The following HPSE2 variants were observed in gnomAD, a reference collection of about 807,000 sequenced individuals.
HPSE2 encodes the protein inactive heparanase-2.
A neutral mutation model predicts 60.5 loss-of-function variants in HPSE2; 38 were observed. The observed-to-expected ratio is 0.63, with a 90% CI of 0.48 to 0.82. The LOEUF is 0.82. HPSE2 is among the 40% of genes least tolerant of loss of function. The probability of loss-of-function intolerance (pLI) is 0.00; values close to 1 mark genes in which losing one functional copy is unlikely to be tolerated. For synonymous variants in HPSE2, 295 were observed against 293.2 expected, an observed-to-expected ratio of 1.01 and a Z score of -0.06; for missense variants, 713 against 740.4, an observed-to-expected ratio of 0.96 and a Z score of 0.43.
At chr10:98,469,580 A>G (rs1394559620) in intron 11 of HPSE2, among the ~76,000 whole-genome samples, 1 of 152,220 alleles carries the variant, frequency 6.6e-6, no homozygotes, top group Admixed American at 6.5e-5. Context: ...GACACACCAT[A>G]TAAAGATATT....
Position 98,825,418 on chromosome 10 carries a change from G to C in HPSE2, c.611-81362C>G, listed in dbSNP as rs543083682. Among the ~76,000 whole-genome samples the C allele has an allele frequency of 7.9e-5, 12 of 152,252 alleles. No individual in the cohort carries two copies. In the East Asian group the frequency reaches 1.9e-3, roughly 24 times the overall value. On this transcript the variant is annotated intron_variant, in intron 3 of 11. Transcript: ENST00000370552. ...AGTCCTTAAGTGTTTGCTCTTCCTC[G>C]AGCAAGGCTAGCTCTTTCCTGTCAT... is the stretch of plus-strand genomic sequence containing the variant.
At chr10:99,248,612 A>G in the HPSE2 span, among the ~76,000 whole-genome samples, 2 of 152,258 alleles carry the variant, frequency 1.3e-5, no homozygotes, top group Non-Finnish European at 2.9e-5. Flanking sequence ...TTTCAGGGGA[A>G]GAATTCAAAC....
chr10:99,258,825 A>G, the HPSE2 span, among the ~76,000 whole-genome samples: 5 of 152,224 alleles, frequency 3.3e-5, no homozygotes, highest in Non-Finnish European at 4.4e-5. Context: ...CATATGTAAA[A>G]CAAACAAAAC....
In HPSE2 at chr10:98,856,170, G is replaced by T. The variant is rs1952310445; in HGVS notation, c.611-112114C>A. The stretch of plus-strand genomic sequence containing the variant: ...AGTCTCTACTGTCCTACACATAATT[G>T]TTGGGCTTTCAACCAAAAAATTTAA... On this transcript the variant is annotated intron_variant, in intron 3 of 11. Coordinates refer to ENST00000370552, the MANE Select transcript of HPSE2 (RefSeq NM_021828.5). Among the ~76,000 whole-genome samples, 3 of 152,074 alleles carry T rather than the reference G, an allele frequency of 2.0e-5. No homozygotes were observed. The South Asian group carries it at 6.2e-4, about 32-fold the overall frequency.
chr10:98,652,842 C>G (rs2134064796), intron 6 of HPSE2, among the ~76,000 whole-genome samples: 1 of 152,234 alleles, frequency 6.6e-6, no homozygotes, highest in Non-Finnish European at 1.5e-5. Flanking sequence ...AATAATTATT[C>G]AAACAAAATT....
intron 9 of HPSE2, among the ~76,000 whole-genome samples, chr10:98,490,696 C>CT (rs1007206940): frequency 6.6e-6 from 1 of 152,158 alleles, no homozygotes; most frequent in Non-Finnish European, 1.5e-5. Context: ...TGAGGTGAAG[C>CT]TTCTCCACAT....
intron 1 of HPSE2, among the ~76,000 whole-genome samples, chr10:99,233,228 C>T: frequency 6.6e-6 from 1 of 151,912 alleles, no homozygotes; most frequent in Non-Finnish European, 1.5e-5. Context: ...CACACACACA[C>T]ACAGTAAAGG....
intron 2 of HPSE2, among the ~76,000 whole-genome samples, chr10:99,208,096 CAT>C (rs1032198220): frequency 6.6e-6 from 1 of 150,930 alleles, no homozygotes; most frequent in African/African-American, 2.4e-5. Flanking sequence ...AAAATTCAAA[CAT>C]GTAAATGTTT....
chr10:98,505,215 G>A (rs1942162235), intron 9 of HPSE2, among the ~76,000 whole-genome samples: 1 of 152,184 alleles, frequency 6.6e-6, no homozygotes, highest in Non-Finnish European at 1.5e-5. Flanking sequence ...CTCCAACTGT[G>A]ACTGGGGACC....
At chr10:98,907,414 T>C (rs927891506) in intron 3 of HPSE2, among the ~76,000 whole-genome samples, 1 of 152,092 alleles carries the variant, frequency 6.6e-6, no homozygotes, top group African/African-American at 2.4e-5. Flanking sequence ...AGCAGGAGGA[T>C]TGCTTGAGCC....
At chr10:99,073,736 T>C (rs1842871817) in intron 3 of HPSE2, among the ~76,000 whole-genome samples, 1 of 152,232 alleles carries the variant, frequency 6.6e-6, no homozygotes, top group Non-Finnish European at 1.5e-5. Flanking sequence ...ATCAATGTTT[T>C]GTCATTTTCT....
At chr10:99,184,489 C>T (rs1377729576) in intron 2 of HPSE2, among the ~76,000 whole-genome samples, 2 of 118,238 alleles carry the variant, frequency 1.7e-5, no homozygotes, top group African/African-American at 6.8e-5. Context: ...CATGCCATTG[C>T]ACTCCAGCCT....
the HPSE2 span, among the ~76,000 whole-genome samples, chr10:99,272,144 G>A: frequency 2.6e-4 from 40 of 152,064 alleles, no homozygotes; most frequent in South Asian, 4.2e-4. Context: ...GGTGGCAGAC[G>A]CCTGTAATCC....
At position 98,893,904 on chromosome 10, in the gene HPSE2, G is replaced by GA. The variant is rs5787315; in HGVS notation, c.611-149849dup. The stretch of plus-strand genomic sequence containing the variant: ...TATACCATAATGAAGTGGTAAACTA[G>GA]AAAAAAAAAAAATAGGCAGTAAAGA... On this transcript the variant is annotated intron_variant, in intron 3 of 11. Transcript: ENST00000370552. Among the ~76,000 whole-genome samples the GA allele has an allele frequency of 1.3e-3, 190 of 144,400 alleles. 1 individual carries two copies. The highest frequency in any genetic ancestry group is 3.7e-3 in the African/African-American group (145 of 39,426). 94.7% of individuals were successfully genotyped at this position (144,400 alleles called of 152,430 possible).
intron 2 of HPSE2, among the ~76,000 whole-genome samples, chr10:99,181,255 G>A (rs1374601433): frequency 4.1e-4 from 61 of 149,822 alleles, no homozygotes; most frequent in African/African-American, 1.4e-3. Flanking sequence ...AAAATTAGCC[G>A]GGCGTAGTGG....
the HPSE2 span, among the ~76,000 whole-genome samples, chr10:99,289,820 A>C: frequency 2.0e-5 from 3 of 152,214 alleles, no homozygotes; most frequent in Non-Finnish European, 4.4e-5. Context: ...TTTCAGTTAA[A>C]CAAAATTACA....
At chr10:98,765,165 C>G (rs1444829929) in intron 3 of HPSE2, among the ~76,000 whole-genome samples, 1 of 152,114 alleles carries the variant, frequency 6.6e-6, no homozygotes. Flanking sequence ...CCTACTTAAC[C>G]TAACAGAAAC....
At chr10:99,251,801 G>C in the HPSE2 span, among the ~76,000 whole-genome samples, 49 of 144,344 alleles carry the variant, frequency 3.4e-4, no homozygotes, top group African/African-American at 1.2e-3. Flanking sequence ...AAGGCAGGAG[G>C]ATCACATGAG....
intron 4 of HPSE2, 109 bp from the exon 5 acceptor site, chr10:98,721,937 ACAAT>A: frequency 3.2e-6 from 3 of 926,240 alleles, no homozygotes; most frequent in Non-Finnish European, 5.0e-6. Context: ...AAAAAAAAAA[ACAAT>A]AAAAAAGTGG....
Sources: allele counts gnomAD v4.1 joint callset (sites outside exome capture counted in the v4.1 genomes callset), GRCh38; gene constraint gnomAD v4.1.1; transcripts MANE v1.5; gene names NCBI Gene and HGNC (gene_info 2026-07-23, HGNC 2026-07-21).